Variants in KAT2B observed in about 807,000 individuals in gnomAD.
KAT2B encodes lysine acetyltransferase 2B.
Under a neutral mutation model 105.9 loss-of-function variants are expected in KAT2B, and 36 were observed. The ratio of observed to expected loss-of-function variants is 0.34; its 90% CI spans 0.26 to 0.45. The LOEUF (loss-of-function observed/expected upper bound fraction) is 0.45. Among genes scored for constraint, KAT2B ranks in the 20% least tolerant of loss-of-function variants. The pLI, the probability that KAT2B is intolerant of heterozygous loss-of-function variation, is 1.00. For synonymous variants in KAT2B, 397 were observed against 377.9 expected, an observed-to-expected ratio of 1.05 and a Z score of -0.59; for missense variants, 820 against 1,021.6, an observed-to-expected ratio of 0.80 and a Z score of 2.69.
chr3:20,147,401 C>G (rs1455239543), intron 14 of KAT2B, among the ~76,000 whole-genome samples: 1 of 151,526 alleles, frequency 6.6e-6, no homozygotes, highest in African/African-American at 2.4e-5. Flanking sequence ...GATAAAACCA[C>G]CTAATTTTTA....
intron 2 of KAT2B, among the ~76,000 whole-genome samples, chr3:20,084,844 T>G (rs989522961): frequency 6.6e-6 from 1 of 152,156 alleles, no homozygotes; most frequent in Non-Finnish European, 1.5e-5. Flanking sequence ...TCCTTCTAAT[T>G]CTGATTAGTA....
In KAT2B at chr3:20,072,420, A is replaced by G. The variant is rs776641465; in HGVS notation, c.391A>G (p.Ser131Gly). The change falls in exon 2 of 18, where the codon AGT becomes GGT. Residue 131 changes from serine (S) to glycine (G), a missense_variant. Physicochemically the swap from Ser to Gly is moderately conservative, Grantham distance 56 (BLOSUM62 0). Transcript: ENST00000263754. ...PRADLQQIIVSLTESCRSCSH... is the reference protein window; with the variant it reads ...PRADLQQIIVGLTESCRSCSH... The stretch of plus-strand genomic sequence containing the variant: ...AGCCGACCTGCAGCAAATAATTGTC[A>G]GTCTAACAGAATCCTGTCGGAGTTG... 3.1e-6 allele frequency: 5 copies of G among 1,613,772 alleles called. No homozygotes were observed. Among genetic ancestry groups the G allele is most frequent in the Non-Finnish European group, 4.2e-6 (5 of 1,179,754 alleles).
intron 1 of KAT2B, among the ~76,000 whole-genome samples, chr3:20,052,652 T>TA (rs1483605454): frequency 1.5e-4 from 20 of 133,288 alleles, no homozygotes; most frequent in African/African-American, 5.2e-4. Flanking sequence ...CCCCATCTCT[T>TA]AAAAAAAAGA....
At chr3:20,101,556 C>G (rs1351449925) in intron 5 of KAT2B, 88 bp downstream of exon 5, 2 of 1,000,746 alleles carry the variant, frequency 2.0e-6, no homozygotes, top group East Asian at 4.8e-5. Flanking sequence ...ATAGGGCTGC[C>G]TAGTTATCAT....
intron 10 of KAT2B, 42 bp downstream of exon 10, chr3:20,126,155 A>G: frequency 6.7e-7 from 1 of 1,493,608 alleles, no homozygotes; most frequent in Non-Finnish European, 9.1e-7. Flanking sequence ...TTTCCTTTTT[A>G]AATGAAAGAG....
chr3:20,108,124 T>C (rs1314649332), intron 5 of KAT2B, among the ~76,000 whole-genome samples: 1 of 152,180 alleles, frequency 6.6e-6, no homozygotes, highest in Admixed American at 6.5e-5. Flanking sequence ...CCAGTGTGTA[T>C]TTTTCACACA....
At chr3:20,061,123 C>T (rs993569197) in intron 1 of KAT2B, among the ~76,000 whole-genome samples, 2 of 152,160 alleles carry the variant, frequency 1.3e-5, no homozygotes, top group African/African-American at 2.4e-5. Context: ...ACTCTGTGTT[C>T]ATTAAACAGT....
chr3:20,141,295 G>A lies in KAT2B; in HGVS notation c.2004+931G>A, dbSNP rs549355646. Among the ~76,000 whole-genome samples, 3 of 152,056 alleles carry A rather than the reference G, an allele frequency of 2.0e-5. No individual in the cohort carries two copies. The South Asian group carries it at 6.2e-4, about 32-fold the overall frequency. ...TTGAGGTGACTTTTTTTATGCATAT[G>A]AATGAAAAGAGAAGCAGTAAAAGGG... On this transcript the variant is annotated intron_variant, in intron 13 of 17. Transcript: ENST00000263754.
chr3:20,152,525 AT>A lies in KAT2B; in HGVS notation c.*8del, dbSNP rs750062124. 2.4e-5 allele frequency: 38 copies of A among 1,610,354 alleles called. No homozygotes were observed. Among genetic ancestry groups the A allele is most frequent in the East Asian group, 4.5e-5 (2 of 44,808 alleles). ...AGGAAGCTGGATTAATTGACAAGTGATTTTTTTTCCCCTCTGCTTCTTAGAA... is the reference window on the plus strand; with the variant it reads ...AGGAAGCTGGATTAATTGACAAGTGATTTTTTTCCCCTCTGCTTCTTAGAA... On this transcript the variant is annotated 3_prime_UTR_variant, in exon 18 of 18. Coordinates refer to ENST00000263754, the MANE Select transcript of KAT2B (RefSeq NM_003884.5).
At chr3:20,113,968 C>A (rs1311189820) in intron 6 of KAT2B, among the ~76,000 whole-genome samples, 3 of 152,078 alleles carry the variant, frequency 2.0e-5, no homozygotes, top group African/African-American at 4.8e-5. Context: ...GATAGCTTCA[C>A]CACTCTGAAC....
Position 20,127,516 on chromosome 3 carries a change from C to T in KAT2B, c.1716C>T (p.Val572=). The change falls in exon 11 of 18, where the codon GTC becomes GTT. Residue 572 remains valine, a synonymous_variant. Transcript: ENST00000263754. The stretch of plus-strand genomic sequence containing the variant: ...CATCTCAAGGATTCACAGAGATTGT[C>T]TTCTGTGCTGTAACCTCAAATGAGC... The part of the protein sequence containing the change: ...MFPSQGFTEI[V]FCAVTSNEQV... The T allele has an allele frequency of 1.9e-6, 3 of 1,613,180 alleles. No homozygotes were observed. Among genetic ancestry groups the T allele is most frequent in the Non-Finnish European group, 1.7e-6 (2 of 1,179,124 alleles).
chr3:20,138,871 T>C (rs79027229), intron 12 of KAT2B, among the ~76,000 whole-genome samples: 12,564 of 152,216 alleles, frequency 0.083, 570 homozygotes, highest in East Asian at 0.2. Flanking sequence ...ATAAAATCTA[T>C]TGACTTGTTT....
rs915790824 is a variant in KAT2B at position 20,152,406 on chromosome 3, C to T, written c.2380C>T (p.Arg794Ter). The change falls in exon 18 of 18, where the codon CGA becomes TGA. Residue 794 changes from arginine to a stop codon, truncating the protein, a stop_gained. Coordinates refer to ENST00000263754, the MANE Select transcript of KAT2B (RefSeq NM_003884.5). LOFTEE classifies it high-confidence loss of function. ...GAAATTATTCATGGCAGACTTACAG[C>T]GAGTCTTTACCAATTGCAAAGAGTA... Reference protein sequence around the residue: ...SKKLFMADLQRVFTNCKEYNP... With the variant: ...SKKLFMADLQ 6.2e-7 allele frequency: 1 copy of T among 1,612,906 alleles called. No individual in the cohort carries two copies. Among genetic ancestry groups the T allele is most frequent in the Non-Finnish European group, 8.5e-7 (1 of 1,179,194 alleles).
In KAT2B at chr3:20,125,940, G is replaced by C; in HGVS notation, c.1449G>C (p.Glu483Asp). The C allele has an allele frequency of 6.2e-7, 1 of 1,613,950 alleles. No homozygotes were observed. The highest frequency in any genetic ancestry group is 8.5e-7 in the Non-Finnish European group (1 of 1,179,932). Residue 483 changes from glutamate (E) to aspartate (D), a missense_variant, in exon 10 of 18, where the codon GAG becomes GAC. Glu to Asp is a conservative substitution (Grantham distance 45). Coordinates refer to ENST00000263754, the MANE Select transcript of KAT2B (RefSeq NM_003884.5). ...NFLSAHSARD[E>D]AARLEERRGV... is the part of the protein sequence containing the mutation. ...TGTCAGCACACTCGGCCAGGGATGAGGCGGCAAGGTTGGAAGAGCGCAGGG... is the reference window on the plus strand; with the variant it reads ...TGTCAGCACACTCGGCCAGGGATGACGCGGCAAGGTTGGAAGAGCGCAGGG...
At chr3:20,064,902 A>G (rs1361954487) in intron 1 of KAT2B, among the ~76,000 whole-genome samples, 1 of 152,224 alleles carries the variant, frequency 6.6e-6, no homozygotes, top group East Asian at 1.9e-4. Context: ...TTTGCTAGAC[A>G]GCTGGCTGTC....
chr3:20,141,067 T>G (rs1699687671), intron 13 of KAT2B, among the ~76,000 whole-genome samples: 1 of 152,198 alleles, frequency 6.6e-6, no homozygotes, highest in Non-Finnish European at 1.5e-5. Flanking sequence ...CCCCGTTCAC[T>G]CAGCACACAC....
rs187960061 is a variant in KAT2B, at chr3:20,046,385, C to G, written c.303+5605C>G. Among the ~76,000 whole-genome samples, 41 of 152,246 alleles carry G rather than the reference C, an allele frequency of 2.7e-4. No homozygotes were observed. The East Asian group carries it at 7.9e-3, about 29-fold the overall frequency. On this transcript the variant is annotated intron_variant, in intron 1 of 17. Transcript: ENST00000263754. ...TCACTTGAGCTCACGAGTTCGAGAC[C>G]AGCCTGGGCAACATGGTGAAACCCT...
At chr3:20,050,430 C>G (rs1697896795) in intron 1 of KAT2B, among the ~76,000 whole-genome samples, 1 of 152,108 alleles carries the variant, frequency 6.6e-6, no homozygotes, top group Non-Finnish European at 1.5e-5. Context: ...AGAGGGTTCT[C>G]TTGTGCCTCC....
At chr3:20,086,051 G>A (rs1291520602) in intron 2 of KAT2B, among the ~76,000 whole-genome samples, 1 of 150,738 alleles carries the variant, frequency 6.6e-6, no homozygotes, top group African/African-American at 2.4e-5. Context: ...TGGATGGATC[G>A]CTTGAGCTCA....
Sources: gnomAD v4.1 joint callset for allele counts (sites outside exome capture counted in the v4.1 genomes callset) on GRCh38, gnomAD v4.1.1 for gene constraint, MANE v1.5 for transcripts, NCBI Gene and HGNC (gene_info 2026-07-23, HGNC 2026-07-21) for gene names.